Variants in SESTD1 observed in about 807,000 individuals in gnomAD.
SESTD1 encodes SEC14 domain and spectrin repeat-containing protein 1.
SESTD1 carries 43 observed loss-of-function variants against 101.7 expected under a neutral mutation model. That is an observed-to-expected ratio of 0.42 (90% CI 0.33 to 0.55). The LOEUF (loss-of-function observed/expected upper bound fraction) is 0.55, where lower values mean the gene tolerates loss of function less well. Ranked by LOEUF, SESTD1 falls within the 20% of genes least tolerant of loss-of-function variation. SESTD1 has a pLI of 0.07. For missense variants in SESTD1, 647 were observed against 815.1 expected, an observed-to-expected ratio of 0.79 and a Z score of 2.51; for synonymous variants, 283 against 286.8, an observed-to-expected ratio of 0.99 and a Z score of 0.13.
At chr2:179,180,242 A>G (rs1290149772) in intron 3 of SESTD1, among the ~76,000 whole-genome samples, 1 of 152,214 alleles carries the variant, frequency 6.6e-6, no homozygotes, top group African/African-American at 2.4e-5. Flanking sequence ...AAATAAGCAC[A>G]AAGTATAAGA....
chr2:179,197,093 C>T (rs1273361224), intron 1 of SESTD1, among the ~76,000 whole-genome samples: 4 of 151,944 alleles, frequency 2.6e-5, no homozygotes, highest in African/African-American at 9.7e-5. Flanking sequence ...ACTAGAATAA[C>T]CAATACAGAG....
chr2:179,166,745 T>C (rs1345649861), intron 5 of SESTD1, among the ~76,000 whole-genome samples: 1 of 152,132 alleles, frequency 6.6e-6, no homozygotes, highest in Middle Eastern at 3.4e-3. Flanking sequence ...GAACAAATAA[T>C]GAAAAAGCAA....
chr2:179,150,163 TG>T (rs2105449213), intron 6 of SESTD1, among the ~76,000 whole-genome samples: 1 of 152,336 alleles, frequency 6.6e-6, no homozygotes, highest in Non-Finnish European at 1.5e-5. Context: ...AGTTAAAGGT[TG>T]CAGTGTGTGG....
chr2:179,155,503 C>T (rs2045610699), intron 5 of SESTD1, among the ~76,000 whole-genome samples: 1 of 151,886 alleles, frequency 6.6e-6, no homozygotes, highest in Non-Finnish European at 1.5e-5. Context: ...GTAATCCCAA[C>T]GATTTGGGCA....
chr2:179,205,021 T>A (rs1233344503), intron 1 of SESTD1, among the ~76,000 whole-genome samples: 2 of 134,230 alleles, frequency 1.5e-5, no homozygotes, highest in African/African-American at 6.0e-5. Flanking sequence ...TTCCTTCCTA[T>A]TTTTTTGAAC....
At chr2:179,258,789 G>A (rs990861794) in intron 1 of SESTD1, among the ~76,000 whole-genome samples, 5 of 152,070 alleles carry the variant, frequency 3.3e-5, no homozygotes, top group Non-Finnish European at 7.4e-5. Flanking sequence ...ATTAGGAGTA[G>A]GTAATAAATT....
chr2:179,167,431 G>A (rs1220952194), intron 5 of SESTD1, among the ~76,000 whole-genome samples: 1 of 152,168 alleles, frequency 6.6e-6, no homozygotes, highest in African/African-American at 2.4e-5. Flanking sequence ...TGGAGTTCCA[G>A]AGGAAACAGA....
In SESTD1 at chr2:179,109,603, T is replaced by C; in HGVS notation, c.*296A>G. 2.3e-6 allele frequency: 1 copy of C among 440,854 alleles called. No individual in the cohort carries two copies. Among genetic ancestry groups the C allele is most frequent in the Non-Finnish European group, 4.0e-6 (1 of 250,422 alleles). 27.3% of individuals were successfully genotyped at this position (440,854 alleles called of 1,614,324 possible). On this transcript the variant is annotated 3_prime_UTR_variant, in exon 18 of 18. Coordinates refer to ENST00000428443, the MANE Select transcript of SESTD1 (RefSeq NM_178123.5). ...TACTCTTATTAGCACCATTCAAAGC[T>C]TATTATCAGTTGTTTGTCTACAAAC...
intron 16 of SESTD1, 90 bp from the exon 17 acceptor site, chr2:179,112,935 G>A: frequency 6.9e-7 from 1 of 1,445,604 alleles, no homozygotes; most frequent in Non-Finnish European, 9.1e-7. Flanking sequence ...AAAAAAGAGA[G>A]AAAAGAAAGA....
rs1217229668 is a variant in SESTD1, at chr2:179,103,907, G to C, written c.*5992C>G. Reference sequence around the variant, plus strand: ...GTAAAAAAGCCAACAATGAACTCTAGTTAATGATATGCAATTTAAAATGCA... The same window carrying C: ...GTAAAAAAGCCAACAATGAACTCTACTTAATGATATGCAATTTAAAATGCA... On this transcript the variant is annotated 3_prime_UTR_variant, in exon 18 of 18. Coordinates refer to ENST00000428443, the MANE Select transcript of SESTD1 (RefSeq NM_178123.5). The C allele has an allele frequency of 6.6e-6, 1 of 152,092 alleles. No homozygotes were observed. Among genetic ancestry groups the C allele is most frequent in the Non-Finnish European group, 1.5e-5 (1 of 68,008 alleles). The allele number at this position is 152,092 out of a possible 1,614,324, so 9.4% of individuals were successfully genotyped here.
At chr2:179,154,382 A>G (rs2045587284) in intron 5 of SESTD1, among the ~76,000 whole-genome samples, 1 of 152,188 alleles carries the variant, frequency 6.6e-6, no homozygotes. Context: ...TACAAACTGT[A>G]TTACTGGATA....
rs1327964924 is a variant in SESTD1, at chr2:179,142,087, A to G, written c.849+1505T>C. Among the ~76,000 whole-genome samples the G allele has an allele frequency of 2.6e-5, 4 of 152,210 alleles. No individual in the cohort carries two copies. In the East Asian group the frequency reaches 7.7e-4, roughly 29 times the overall value. On this transcript the variant is annotated intron_variant, in intron 9 of 17. Coordinates refer to ENST00000428443, the MANE Select transcript of SESTD1 (RefSeq NM_178123.5). ...CGAACTAGATCAATTGTGCAGGCCA[A>G]TTCTGGCCCACCACCTGTTTTTGTA...
At position 179,103,151 on chromosome 2, in the gene SESTD1, G is replaced by A. The variant is rs1358498507; in HGVS notation, c.*6748C>T. On this transcript the variant is annotated 3_prime_UTR_variant, in exon 18 of 18. Coordinates refer to ENST00000428443, the MANE Select transcript of SESTD1 (RefSeq NM_178123.5). ...TGGTTGGGCTTTAACCTTTCAAGGA[G>A]TGAAATATTGCTAAAGTTTCAGGCA... 6.6e-6 allele frequency: 1 copy of A among 152,160 alleles called. No individual in the cohort carries two copies. Among genetic ancestry groups the A allele is most frequent in the Non-Finnish European group, 1.5e-5 (1 of 68,004 alleles). The allele number at this position is 152,160 out of a possible 1,614,324, so 9.4% of individuals were successfully genotyped here.
At chr2:179,123,887 A>G (rs1253821412) in intron 11 of SESTD1, 58 bp from the exon 12 acceptor site, 1 of 1,255,760 alleles carries the variant, frequency 8.0e-7, no homozygotes, top group African/African-American at 1.5e-5. Context: ...TAAAGTGTTT[A>G]ATGATTAATG....
chr2:179,110,281 A>T (rs1159535439), intron 17 of SESTD1, among the ~76,000 whole-genome samples: 5 of 152,194 alleles, frequency 3.3e-5, no homozygotes, highest in Admixed American at 2.6e-4. Context: ...ATGTGTAGTT[A>T]TGATAATAGC....
At position 179,131,842 on chromosome 2, in the gene SESTD1, G is replaced by A. The variant is rs553873907; in HGVS notation, c.972+462C>T. 1.9e-3 allele frequency among the ~76,000 whole-genome samples: 285 copies of A among 152,236 alleles called. 1 individual carries two copies. Among genetic ancestry groups the A allele is most frequent in the African/African-American group, 6.7e-3 (279 of 41,564 alleles). ...CAAAAGGGACCCCTAAATGCTCAGAGAATGGAAAAATATTCTGCACCCTCT... is the reference window on the plus strand; with the variant it reads ...CAAAAGGGACCCCTAAATGCTCAGAAAATGGAAAAATATTCTGCACCCTCT... On this transcript the variant is annotated intron_variant, in intron 10 of 17. Coordinates refer to ENST00000428443, the MANE Select transcript of SESTD1 (RefSeq NM_178123.5).
At chr2:179,245,190 G>A (rs1171486279) in intron 1 of SESTD1, among the ~76,000 whole-genome samples, 1 of 151,804 alleles carries the variant, frequency 6.6e-6, no homozygotes, top group Non-Finnish European at 1.5e-5. Flanking sequence ...TGGCAACATA[G>A]CAAGACCCTG....
Position 179,208,996 on chromosome 2 carries a change from A to G in SESTD1, c.-25-17130T>C, listed in dbSNP as rs1360870975. Among the ~76,000 whole-genome samples the G allele has an allele frequency of 1.5e-5, 2 of 135,138 alleles. 1 individual carries two copies. Among genetic ancestry groups the G allele is most frequent in the Non-Finnish European group, 3.2e-5 (2 of 62,700 alleles). 88.7% of individuals were successfully genotyped at this position (135,138 alleles called of 152,430 possible). The stretch of plus-strand genomic sequence containing the variant: ...CAAGAGATTCAACTGACACATAAGG[A>G]CTCACATAAACTTAAGGTAAACAGG... On this transcript the variant is annotated intron_variant, in intron 1 of 17. Transcript: ENST00000428443.
chr2:179,113,672 C>T (rs577525568), intron 16 of SESTD1, among the ~76,000 whole-genome samples: 1 of 151,932 alleles, frequency 6.6e-6, no homozygotes, highest in African/African-American at 2.4e-5. Context: ...TTATACTATA[C>T]AATTTGCTTA....
Sources: gnomAD v4.1 joint callset for allele counts (sites outside exome capture counted in the v4.1 genomes callset) on GRCh38, gnomAD v4.1.1 for gene constraint, MANE v1.5 for transcripts, NCBI Gene and HGNC (gene_info 2026-07-23, HGNC 2026-07-21) for gene names.